Variants in PLXNA4 observed in about 807,000 individuals in gnomAD.
The protein encoded by PLXNA4 is plexin-A4.
PLXNA4 carries 44 observed loss-of-function variants against 191.8 expected under a neutral mutation model. The ratio of observed to expected loss-of-function variants is 0.23; its 90% CI spans 0.18 to 0.29. The LOEUF (loss-of-function observed/expected upper bound fraction) is 0.29. Ranked by LOEUF, PLXNA4 falls within the 10% of genes least tolerant of loss-of-function variation. PLXNA4 has a pLI of 1.00. For synonymous variants in PLXNA4, 1,082 were observed against 1,009.5 expected (o/e 1.07, Z -1.36); for missense variants, 1,800 against 2,488.8 (o/e 0.72, Z 5.89).
intron 25 of PLXNA4, among the ~76,000 whole-genome samples, chr7:132,154,189 G>A (rs988905694): frequency 2.0e-5 from 3 of 152,190 alleles, no homozygotes; most frequent in Admixed American, 6.5e-5. Context: ...GAAGGAGGCT[G>A]TAGGGGGAGA....
At chr7:132,439,288 T>C (rs971226675) in intron 3 of PLXNA4, among the ~76,000 whole-genome samples, 1 of 152,134 alleles carries the variant, frequency 6.6e-6, no homozygotes, top group Non-Finnish European at 1.5e-5. Flanking sequence ...AATGAAGCCA[T>C]CCCTGGGGGT....
At chr7:132,619,040 T>C (rs1241353262) in intron 2 of PLXNA4, among the ~76,000 whole-genome samples, 8 of 152,214 alleles carry the variant, frequency 5.3e-5, no homozygotes, top group Non-Finnish European at 1.0e-4. Context: ...AGACACTGCC[T>C]GGTAACTAGA....
intron 9 of PLXNA4, among the ~76,000 whole-genome samples, chr7:132,215,359 A>G (rs1185859179): frequency 2.0e-5 from 3 of 152,236 alleles, no homozygotes; most frequent in African/African-American, 2.4e-5. Flanking sequence ...CTCTTTATTC[A>G]TAAAATGAAG....
At chr7:132,148,773 C>A (rs1485182197) in intron 25 of PLXNA4, 127 bp from the exon 26 acceptor site, 3 of 1,403,210 alleles carry the variant, frequency 2.1e-6, no homozygotes, top group Admixed American at 5.0e-5. Context: ...CTAGCACATG[C>A]TCCTGCGAAA....
chr7:132,591,439 C>A (rs1428390066), intron 2 of PLXNA4, among the ~76,000 whole-genome samples: 1 of 152,168 alleles, frequency 6.6e-6, no homozygotes, highest in Non-Finnish European at 1.5e-5. Context: ...CTAATGTCTG[C>A]CCACGACTCC....
At chr7:132,360,367 C>G (rs901952914) in intron 3 of PLXNA4, among the ~76,000 whole-genome samples, 7 of 152,240 alleles carry the variant, frequency 4.6e-5, no homozygotes, top group Non-Finnish European at 8.8e-5. Flanking sequence ...AGAATATGCT[C>G]TGTCAATTAT....
chr7:132,261,331 A>G (rs1799635257), intron 4 of PLXNA4, among the ~76,000 whole-genome samples: 1 of 152,192 alleles, frequency 6.6e-6, no homozygotes, highest in Non-Finnish European at 1.5e-5. Context: ...AAATTTGGCA[A>G]CGGACACGAA....
intron 3 of PLXNA4, among the ~76,000 whole-genome samples, chr7:132,428,328 C>T (rs1192476798): frequency 1.3e-5 from 2 of 152,222 alleles, no homozygotes; most frequent in Admixed American, 1.3e-4. Flanking sequence ...CCTATGCTCT[C>T]CCCATCTGGC....
At chr7:132,597,840 G>GCTCTCTCT (rs768906299) in intron 2 of PLXNA4, among the ~76,000 whole-genome samples, 41 of 140,320 alleles carry the variant, frequency 2.9e-4, no homozygotes, top group African/African-American at 9.1e-4. Context: ...TCCATGTTGC[G>GCTCTCTCT]CTCTCTCTCT....
intron 12 of PLXNA4, among the ~76,000 whole-genome samples, chr7:132,200,778 T>C (rs1669368538): frequency 6.6e-6 from 1 of 152,226 alleles, no homozygotes; most frequent in African/African-American, 2.4e-5. Context: ...ACCATTGTAG[T>C]GGAGGAGAAC....
chr7:132,550,450 C>T (rs1336320941), intron 1 of PLXNA4, among the ~76,000 whole-genome samples: 1 of 152,182 alleles, frequency 6.6e-6, no homozygotes, highest in Non-Finnish European at 1.5e-5. Flanking sequence ...AGGACCTCTT[C>T]CAGGCTAGGA....
chr7:132,251,389 T>G (rs2117081023), intron 4 of PLXNA4, among the ~76,000 whole-genome samples: 1 of 152,252 alleles, frequency 6.6e-6, no homozygotes, highest in African/African-American at 2.4e-5. Context: ...AATGGGAGCC[T>G]TTGTTTCTGC....
At chr7:132,575,184 G>A (rs1802167608) in intron 1 of PLXNA4, among the ~76,000 whole-genome samples, 1 of 152,250 alleles carries the variant, frequency 6.6e-6, no homozygotes, top group African/African-American at 2.4e-5. Flanking sequence ...CCCCAAGAAG[G>A]GAACTATGGA....
intron 2 of PLXNA4, among the ~76,000 whole-genome samples, chr7:132,590,373 A>G (rs907755617): frequency 2.4e-4 from 37 of 152,230 alleles, no homozygotes; most frequent in Admixed American, 1.9e-3. Context: ...GTATATATAA[A>G]GAGGAGTTTA....
chr7:132,207,618 C>A (rs1191098751), intron 10 of PLXNA4, among the ~76,000 whole-genome samples: 1 of 152,242 alleles, frequency 6.6e-6, no homozygotes, highest in Admixed American at 6.5e-5. Context: ...AATGGCTCCA[C>A]CACCCCAACC....
intron 3 of PLXNA4, among the ~76,000 whole-genome samples, chr7:132,373,185 G>C (rs1031135844): frequency 6.6e-6 from 1 of 152,172 alleles, no homozygotes; most frequent in African/African-American, 2.4e-5. Flanking sequence ...AAAACCAGTA[G>C]AGCAGGCAAG....
At position 132,507,771 on chromosome 7, in the gene PLXNA4, C is replaced by T. The variant is rs149257060; in HGVS notation, c.923G>A (p.Arg308His). The change falls in exon 2 of 32, where the codon CGC becomes CAC. Residue 308 changes from arginine to histidine, a missense_variant. By Grantham distance (29) the Arg-to-His change is conservative. Around this residue, in one of 6 missense-constraint regions of PLXNA4, gnomAD observed 1,397 missense variants for 1,880.4 expected, o/e 0.74. Transcript: ENST00000321063. ...GGACAGGTAGGCAGCCTGCAGCAGG[C>T]GGTACTCCACCCCACTGCGCTCACA... ...IGCERSGVEY[R>H]LLQAAYLSKA... The T allele has an allele frequency of 7.2e-5, 116 of 1,614,050 alleles. No individual in the cohort carries two copies. Among genetic ancestry groups the T allele is most frequent in the Non-Finnish European group, 8.2e-5 (97 of 1,180,020 alleles).
At chr7:132,283,639 A>T (rs1232114083) in intron 4 of PLXNA4, among the ~76,000 whole-genome samples, 1 of 152,228 alleles carries the variant, frequency 6.6e-6, no homozygotes, top group Non-Finnish European at 1.5e-5. Context: ...CTACAGCCAG[A>T]GAGACTAGCC....
intron 3 of PLXNA4, among the ~76,000 whole-genome samples, chr7:132,343,811 G>T (rs1803133307): frequency 6.6e-6 from 1 of 152,144 alleles, no homozygotes. Context: ...CAGCTACTTG[G>T]GAGGCTGAGG....
Sources: gnomAD v4.1 joint callset for allele counts (sites outside exome capture counted in the v4.1 genomes callset) on GRCh38, gnomAD v4.1.1 for gene constraint, gnomAD v4.1.1 regional missense constraint, MANE v1.5 for transcripts, NCBI Gene and HGNC (gene_info 2026-07-23, HGNC 2026-07-21) for gene names.